PLXNA4: variants seen among roughly 807,000 people sequenced by gnomAD.
The protein encoded by PLXNA4 is plexin A4.
A neutral mutation model predicts 191.8 loss-of-function variants in PLXNA4; 44 were observed. That is an observed-to-expected ratio of 0.23 (90% CI 0.18 to 0.29). PLXNA4 has a LOEUF of 0.29. Ranked by LOEUF, PLXNA4 falls within the 10% of genes least tolerant of loss-of-function variation. The pLI is 1.00. For missense variants in PLXNA4, 1,800 were observed against 2,488.8 expected (o/e 0.72, Z 5.89); for synonymous variants, 1,082 against 1,009.5 (o/e 1.07, Z -1.36).
Position 132,508,737 on chromosome 7 carries a change from C to T in PLXNA4, c.-44G>A, listed in dbSNP as rs181262155. 9 of 1,464,566 alleles carry T rather than the reference C, an allele frequency of 6.1e-6. No individual in the cohort carries two copies. The African/African-American group carries it at 9.9e-5, about 16-fold the overall frequency. The allele number at this position is 1,464,566 out of a possible 1,614,324, so 90.7% of individuals were successfully genotyped here. ...TGGCACAGCAGCACTCAGGCACAGT[C>T]GTCCCCTCAGAGGGCCAGGACTCAG... is the stretch of plus-strand genomic sequence containing the variant. On this transcript the variant is annotated 5_prime_UTR_variant, in exon 2 of 32. Coordinates refer to ENST00000321063, the MANE Select transcript of PLXNA4 (RefSeq NM_020911.2). The surrounding 1 kb of genome is among the most constrained non-coding windows in gnomAD (Gnocchi z 4.4).
At chr7:132,239,403 T>A (rs905077427) in intron 5 of PLXNA4, among the ~76,000 whole-genome samples, 1 of 152,122 alleles carries the variant, frequency 6.6e-6, no homozygotes, top group African/African-American at 2.4e-5. Context: ...AAAGCTGACA[T>A]GGAAATTGCC....
chr7:132,198,348 A>G (rs1352999521), intron 13 of PLXNA4, 137 bp downstream of exon 13: 4 of 1,266,106 alleles, frequency 3.2e-6, no homozygotes, highest in African/African-American at 1.5e-5. Flanking sequence ...CCACCCTCCA[A>G]CTCTAAAATA....
chr7:132,607,935 C>CCATCATCCTCATCTCTATCACCATCACT (rs1802962676), intron 2 of PLXNA4, among the ~76,000 whole-genome samples: 3 of 12,580 alleles, frequency 2.4e-4, no homozygotes, highest in African/African-American at 6.3e-4. Context: ...CCACCATCAC[C>CCATCATCCTCATCTCTATCACCATCACT]GCCATCATCC....
chr7:132,233,118 G>A (rs1264833040), intron 5 of PLXNA4, among the ~76,000 whole-genome samples: 1 of 152,232 alleles, frequency 6.6e-6, no homozygotes, highest in East Asian at 1.9e-4. Context: ...AAGGATGAGG[G>A]CCTTCCCCAG....
chr7:132,532,775 T>C (rs188099341), intron 1 of PLXNA4, among the ~76,000 whole-genome samples: 1 of 152,356 alleles, frequency 6.6e-6, no homozygotes, highest in Non-Finnish European at 1.5e-5. Context: ...AACTACTCTC[T>C]ATTGCCCATG....
Position 132,128,489 on chromosome 7 carries a change from T to TTGC in PLXNA4, c.*1989_*1990insGCA, listed in dbSNP as rs1490798810. On this transcript the variant is annotated 3_prime_UTR_variant, in exon 32 of 32. Transcript: ENST00000321063. The stretch of plus-strand genomic sequence containing the variant: ...TCTCAGCATAGAAAGCAAGTAAGTG[T>TTGC]TGAAATGTCCTGAAGCTGCAGGATG... The TTGC allele has an allele frequency of 6.6e-6, 1 of 152,050 alleles. No homozygotes were observed. Among genetic ancestry groups the TTGC allele is most frequent in the African/African-American group, 2.4e-5 (1 of 41,354 alleles). The allele number at this position is 152,050 out of a possible 1,614,324, so 9.4% of individuals were successfully genotyped here. A position where few individuals can be genotyped will look rare whatever the true frequency, so the allele number is the denominator to read the frequency against.
chr7:132,553,900 C>T (rs977384819), intron 1 of PLXNA4, among the ~76,000 whole-genome samples: 3 of 152,112 alleles, frequency 2.0e-5, no homozygotes, highest in Admixed American at 1.3e-4. Flanking sequence ...AAGAGATACA[C>T]CAAGCCTTGG....
intron 3 of PLXNA4, among the ~76,000 whole-genome samples, chr7:132,393,198 CCA>C (rs200016643): frequency 0.047 from 5,910 of 124,738 alleles, 195 homozygotes; most frequent in Admixed American, 0.098. Flanking sequence ...ACACCCCCCC[CCA>C]CCACCACCAC....
intron 21 of PLXNA4, among the ~76,000 whole-genome samples, chr7:132,172,308 C>T (rs761387953): frequency 2.0e-5 from 3 of 152,188 alleles, no homozygotes; most frequent in Non-Finnish European, 4.4e-5. Flanking sequence ...ATTGACTGCT[C>T]TGTGTTTTAA....
At chr7:132,305,912 G>T (rs887280533) in intron 3 of PLXNA4, among the ~76,000 whole-genome samples, 7 of 152,142 alleles carry the variant, frequency 4.6e-5, no homozygotes, top group South Asian at 2.1e-4. Flanking sequence ...TCGAGATTTG[G>T]GAGCTGGGCC....
intron 1 of PLXNA4, among the ~76,000 whole-genome samples, chr7:132,570,093 G>T (rs920942715): frequency 2.0e-5 from 3 of 152,208 alleles, no homozygotes; most frequent in African/African-American, 7.2e-5. Context: ...GCTCTGAGAA[G>T]TCCTGCAGCA....
chr7:132,336,476 C>CTACT (rs1231558437), intron 3 of PLXNA4, among the ~76,000 whole-genome samples: 36 of 152,272 alleles, frequency 2.4e-4, no homozygotes, highest in African/African-American at 8.7e-4. Context: ...GGTACTTAGC[C>CTACT]TGATCTCAAA....
intron 3 of PLXNA4, among the ~76,000 whole-genome samples, chr7:132,440,397 C>T (rs567854181): frequency 2.6e-5 from 4 of 152,210 alleles, no homozygotes; most frequent in Non-Finnish European, 4.4e-5. Flanking sequence ...CCTTCTCCAG[C>T]GTGGGCTGCT....
At chr7:132,490,239 G>C (rs963019864) in intron 2 of PLXNA4, among the ~76,000 whole-genome samples, 4 of 152,144 alleles carry the variant, frequency 2.6e-5, no homozygotes, top group African/African-American at 9.7e-5. Flanking sequence ...TGGAAACCCA[G>C]GTCCCCGATA....
upstream of PLXNA4, chr7:132,576,953 G>GC (rs1563184561): frequency 6.8e-6 from 1 of 147,970 alleles, no homozygotes; most frequent in Non-Finnish European, 1.5e-5. This position sits in a 1 kb window ranked among gnomAD's most constrained non-coding sequence, Gnocchi z 5.8. Flanking sequence ...GCCTCTGCGC[G>GC]CCTCTCTGGG....
chr7:132,252,306 T>G lies in PLXNA4; in HGVS notation c.1504-11140A>C, dbSNP rs561215195. Among the ~76,000 whole-genome samples the G allele has an allele frequency of 7.1e-3, 487 of 68,782 alleles. 4 individuals carry two copies. The highest frequency in any genetic ancestry group is 0.028 in the African/African-American group (459 of 16,232). The allele number at this position is 68,782 out of a possible 152,430, so 45.1% of individuals were successfully genotyped here. A position where few individuals can be genotyped will look rare whatever the true frequency, so the allele number is the denominator to read the frequency against. ...AATGACAGCATTCTAAAAGTTTTTT[T>G]TTTTTTTTTTTTTTTTTTTTTTTGA... On this transcript the variant is annotated intron_variant, in intron 4 of 31. Coordinates refer to ENST00000321063, the MANE Select transcript of PLXNA4 (RefSeq NM_020911.2).
chr7:132,126,946 A>G lies in PLXNA4; in HGVS notation c.*3533T>C, dbSNP rs1244479670. The G allele has an allele frequency of 6.6e-6, 1 of 152,194 alleles. No individual in the cohort carries two copies. Among genetic ancestry groups the G allele is most frequent in the Non-Finnish European group, 1.5e-5 (1 of 68,040 alleles). The allele number at this position is 152,194 out of a possible 1,614,324, so 9.4% of individuals were successfully genotyped here. A position where few individuals can be genotyped will look rare whatever the true frequency, so the allele number is the denominator to read the frequency against. On this transcript the variant is annotated 3_prime_UTR_variant, in exon 32 of 32. Coordinates refer to ENST00000321063, the MANE Select transcript of PLXNA4 (RefSeq NM_020911.2). ...ATGGCCACCTTCACTTAGTGGCACTATTTGCAGCTACCAAGAAATGTCAGG... is the reference window on the plus strand; with the variant it reads ...ATGGCCACCTTCACTTAGTGGCACTGTTTGCAGCTACCAAGAAATGTCAGG...
At chr7:132,259,466 A>AAAG (rs1799552487) in intron 4 of PLXNA4, among the ~76,000 whole-genome samples, 2 of 135,188 alleles carry the variant, frequency 1.5e-5, no homozygotes, top group African/African-American at 2.9e-5. Context: ...AAAAAAAAAA[A>AAAG]AAAAAAAGAA....
intron 2 of PLXNA4, among the ~76,000 whole-genome samples, chr7:132,593,456 C>A (rs1233165395): frequency 6.6e-6 from 1 of 152,212 alleles, no homozygotes. Flanking sequence ...GAAATGGATG[C>A]CATCTGCCTC....
Sources: allele counts gnomAD v4.1 joint callset (sites outside exome capture counted in the v4.1 genomes callset), GRCh38; gene constraint gnomAD v4.1.1; non-coding constraint Gnocchi (gnomAD v3.1); transcripts MANE v1.5; gene names NCBI Gene and HGNC (gene_info 2026-07-23, HGNC 2026-07-21).